Variants in CDH18 observed in about 807,000 individuals in gnomAD.
CDH18 encodes the protein cadherin 18, also known as cadherin-18.
CDH18 carries 31 observed loss-of-function variants against 67.9 expected under a neutral mutation model. That is an observed-to-expected ratio of 0.46 (90% confidence interval 0.34 to 0.62). The LOEUF is 0.62. CDH18 is among the 20% of genes least tolerant of loss of function. The probability of loss-of-function intolerance (pLI) is 0.01; values close to 1 mark genes in which losing one functional copy is unlikely to be tolerated. For synonymous variants in CDH18, 362 were observed against 347.2 expected, an observed-to-expected ratio of 1.04 and a Z score of -0.48; for missense variants, 890 against 975.5, an observed-to-expected ratio of 0.91 and a Z score of 1.17.
chr5:20,170,487 TAA>T (rs1736612458), intron 2 of CDH18, among the ~76,000 whole-genome samples: 1 of 152,098 alleles, frequency 6.6e-6, no homozygotes. Context: ...AGAAATATTC[TAA>T]GTGTTAAATA....
At chr5:20,331,905 A>G (rs1242203457) in intron 1 of CDH18, among the ~76,000 whole-genome samples, 1 of 152,170 alleles carries the variant, frequency 6.6e-6, no homozygotes, top group African/African-American at 2.4e-5. Context: ...GGGTCTCTTC[A>G]CTGGAAGAGA....
At chr5:20,449,558 A>G (rs1203686687) in intron 1 of CDH18, among the ~76,000 whole-genome samples, 1 of 152,056 alleles carries the variant, frequency 6.6e-6, no homozygotes, top group Non-Finnish European at 1.5e-5. Flanking sequence ...GTTTTAAAAT[A>G]TAATACCCCC....
At chr5:19,634,533 C>T (rs968355873) in intron 5 of CDH18, among the ~76,000 whole-genome samples, 8 of 152,158 alleles carry the variant, frequency 5.3e-5, no homozygotes, top group African/African-American at 1.9e-4. Flanking sequence ...TAGAGAAGCA[C>T]AAGTAACATC....
At chr5:20,360,115 T>C (rs1449437172) in intron 1 of CDH18, among the ~76,000 whole-genome samples, 1 of 145,820 alleles carries the variant, frequency 6.9e-6, no homozygotes, top group African/African-American at 2.5e-5. Flanking sequence ...TTCTATAATA[T>C]ATGTTATATA....
At position 20,069,117 on chromosome 5, in the gene CDH18, A is replaced by G. The variant is rs896251503; in HGVS notation, c.-517-77103T>C. Among the ~76,000 whole-genome samples, 10 of 152,198 alleles carry G rather than the reference A, an allele frequency of 6.6e-5. No homozygotes were observed. In the South Asian group the frequency reaches 2.1e-3, roughly 31 times the overall value. On this transcript the variant is annotated intron_variant, in intron 2 of 14. Coordinates refer to the CDH18 transcript ENST00000507958. ...AGTGTTTTAAAACCTTCCTGATGCT[A>G]GGGTTCATTTTTATGTTGGTTGTCA...
Position 20,059,742 on chromosome 5 carries a change from T to C in CDH18, c.-517-67728A>G, listed in dbSNP as rs149671395. Among the ~76,000 whole-genome samples, 155 of 152,312 alleles carry C rather than the reference T, an allele frequency of 1.0e-3. 1 individual carries two copies. Among genetic ancestry groups the C allele is most frequent in the Middle Eastern group, 3.4e-3 (1 of 294 alleles). Reference sequence around the variant, plus strand: ...TGCCCATCAGTGACTGGATATCCATTAGACTGGATAAAGAGAATGTGACAC... The same window carrying C: ...TGCCCATCAGTGACTGGATATCCATCAGACTGGATAAAGAGAATGTGACAC... On this transcript the variant is annotated intron_variant, in intron 2 of 14. Coordinates refer to the CDH18 transcript ENST00000507958.
chr5:20,352,477 T>A (rs1009342857), intron 1 of CDH18, among the ~76,000 whole-genome samples: 4 of 152,098 alleles, frequency 2.6e-5, no homozygotes, highest in African/African-American at 9.6e-5. Flanking sequence ...TTACAAATTT[T>A]CTATGTACAA....
intron 2 of CDH18, among the ~76,000 whole-genome samples, chr5:20,251,379 A>G (rs1743846784): frequency 6.6e-6 from 1 of 152,208 alleles, no homozygotes; most frequent in Non-Finnish European, 1.5e-5. Flanking sequence ...AGATAAAATT[A>G]TGCTTATCTG....
chr5:19,761,253 C>T (rs1028906996), intron 3 of CDH18, among the ~76,000 whole-genome samples: 3 of 152,164 alleles, frequency 2.0e-5, no homozygotes, highest in African/African-American at 7.2e-5. Flanking sequence ...TCAGTATCTG[C>T]TTCTGAAGCC....
chr5:19,592,168 A>C (rs1036451458), intron 6 of CDH18, among the ~76,000 whole-genome samples: 3 of 152,018 alleles, frequency 2.0e-5, no homozygotes, highest in African/African-American at 7.2e-5. Context: ...ATATGTACAC[A>C]AGTAGCTCAT....
At chr5:19,929,103 T>G (rs534370916) in intron 2 of CDH18, among the ~76,000 whole-genome samples, 54 of 152,128 alleles carry the variant, frequency 3.5e-4, no homozygotes, top group Non-Finnish European at 7.1e-4. Flanking sequence ...TAATGAAAGT[T>G]TCTAGGACTG....
At chr5:20,062,140 A>AATTATCATTATTATTATT (rs1554085582) in intron 2 of CDH18, among the ~76,000 whole-genome samples, 1 of 137,930 alleles carries the variant, frequency 7.3e-6, no homozygotes, top group Admixed American at 7.5e-5. Context: ...TTAAGCCCAG[A>AATTATCATTATTATTATT]ATTATTATTA....
intron 1 of CDH18, among the ~76,000 whole-genome samples, chr5:20,558,966 A>G (rs1462372914): frequency 6.6e-6 from 1 of 151,292 alleles, no homozygotes; most frequent in African/African-American, 2.4e-5. Flanking sequence ...GGAAACCTCC[A>G]TTGTCATCTG....
chr5:19,801,439 T>C (rs1200441358), intron 3 of CDH18, among the ~76,000 whole-genome samples: 1 of 152,216 alleles, frequency 6.6e-6, no homozygotes, highest in Non-Finnish European at 1.5e-5. Context: ...CCAATGGTTC[T>C]CAAAGTTACA....
chr5:19,502,016 G>A (rs917305279), intron 11 of CDH18, among the ~76,000 whole-genome samples: 8 of 152,164 alleles, frequency 5.3e-5, no homozygotes, highest in African/African-American at 1.9e-4. Context: ...AGCTTTAAAT[G>A]TTCATATAGA....
intron 2 of CDH18, among the ~76,000 whole-genome samples, chr5:19,961,189 G>A (rs62353340): frequency 0.44 from 65,292 of 146,788 alleles, 16,180 homozygotes; most frequent in Middle Eastern, 0.64. Context: ...TGCAACCTCC[G>A]CCTCCTGGGT....
chr5:20,281,258 T>A (rs1159717930), intron 1 of CDH18, among the ~76,000 whole-genome samples: 1 of 152,182 alleles, frequency 6.6e-6, no homozygotes, highest in Non-Finnish European at 1.5e-5. Flanking sequence ...TTGCTTTTGG[T>A]GTTTTAGACA....
chr5:20,170,271 T>A (rs1357510547), intron 2 of CDH18, among the ~76,000 whole-genome samples: 1 of 150,646 alleles, frequency 6.6e-6, no homozygotes, highest in Non-Finnish European at 1.5e-5. Context: ...AGTGAGAACA[T>A]GTGCTGTTTG....
intron 2 of CDH18, among the ~76,000 whole-genome samples, chr5:20,036,285 C>T (rs1739855286): frequency 6.6e-6 from 1 of 151,810 alleles, no homozygotes; most frequent in Admixed American, 6.6e-5. Flanking sequence ...TTCATGTGCA[C>T]AATGGAAAAC....
Sources: allele counts gnomAD v4.1 joint callset (sites outside exome capture counted in the v4.1 genomes callset), GRCh38; gene constraint gnomAD v4.1.1; transcripts MANE v1.5; gene names NCBI Gene and HGNC (gene_info 2026-07-23, HGNC 2026-07-21).